Variants in IPO9 observed in about 807,000 individuals in gnomAD.
The protein encoded by IPO9 is importin 9, also known as importin-9.
In IPO9, 28 loss-of-function variants were observed where a neutral mutation model predicts 128.6. The observed-to-expected ratio is 0.22, with a 90% CI of 0.16 to 0.30. The LOEUF (loss-of-function observed/expected upper bound fraction) is 0.30. IPO9 is among the 10% of genes least tolerant of loss of function. The pLI, the probability that IPO9 is intolerant of heterozygous loss-of-function variation, is 1.00. For synonymous variants in IPO9, 455 were observed against 475.8 expected (o/e 0.96, Z 0.57); for missense variants, 935 against 1,293.9 (o/e 0.72, Z 4.26).
Position 201,868,735 on chromosome 1 carries a change from T to G in IPO9, c.1943T>G (p.Ile648Ser). 6.2e-7 allele frequency: 1 copy of G among 1,614,054 alleles called. No individual in the cohort carries two copies. Among genetic ancestry groups the G allele is most frequent in the Non-Finnish European group, 8.5e-7 (1 of 1,179,990 alleles). The change falls in exon 16 of 24, where the codon ATT becomes AGT. Residue 648 changes from isoleucine (I) to serine (S), a missense_variant. Transcript: ENST00000361565. ...ACQGPMQMRL[I>S]PTLVSIMQAP... ...CAGGGCCCAATGCAAATGAGGCTGA[T>G]TCCCACTCTGGTCAGCATAATGCAG...
chr1:201,847,510 AAT>A, intron 2 of IPO9, 40 bp from the exon 3 acceptor site: 1 of 1,293,378 alleles, frequency 7.7e-7, no homozygotes, highest in Non-Finnish European at 1.1e-6. Flanking sequence ...GTGTGAAAAA[AAT>A]CTTTTTCTTG....
chr1:201,866,120 C>T (rs1227603232), intron 14 of IPO9, among the ~76,000 whole-genome samples: 1 of 152,166 alleles, frequency 6.6e-6, no homozygotes, highest in Non-Finnish European at 1.5e-5. Context: ...CCAGGGGAAA[C>T]TGATGTCCCA....
chr1:201,861,163 C>T (rs372385746), intron 13 of IPO9, among the ~76,000 whole-genome samples: 3 of 151,758 alleles, frequency 2.0e-5, no homozygotes, highest in East Asian at 1.9e-4. Context: ...GAGACTCTGT[C>T]TCAAAAAAAA....
At chr1:201,840,913 T>G (rs1490276894) in intron 1 of IPO9, among the ~76,000 whole-genome samples, 1 of 152,092 alleles carries the variant, frequency 6.6e-6, no homozygotes, top group African/African-American at 2.4e-5. Flanking sequence ...CTGCATGTAG[T>G]GGGTGGGGAA....
At position 201,870,784 on chromosome 1, in the gene IPO9, G is replaced by A. The variant is rs759384995; in HGVS notation, c.2335G>A (p.Gly779Arg). The A allele has an allele frequency of 2.5e-6, 4 of 1,614,162 alleles. No homozygotes were observed. Among genetic ancestry groups the A allele is most frequent in the East Asian group, 4.5e-5 (2 of 44,882 alleles). ...TLISKAGREL[G>R]ENLDQILRAI... ...CATCTCCAAGGCAGGGCGGGAACTCGGGGAGAATCTAGACCAGATTCTTCG... is the reference window on the plus strand; with the variant it reads ...CATCTCCAAGGCAGGGCGGGAACTCAGGGAGAATCTAGACCAGATTCTTCG... Residue 779 changes from glycine (G) to arginine (R), a missense_variant, in exon 18 of 24, where the codon GGG (glycine) becomes AGG (arginine). Transcript: ENST00000361565. The surrounding 1 kb of genome is among the most constrained non-coding windows in gnomAD (Gnocchi z 4.9).
At chr1:201,866,584 A>G (rs1032103433) in intron 14 of IPO9, 149 bp from the exon 15 acceptor site, 3 of 605,092 alleles carry the variant, frequency 5.0e-6, no homozygotes, top group African/African-American at 3.7e-5. Flanking sequence ...TGTTTATATA[A>G]TACATCCAGA....
chr1:201,858,986 A>T lies in IPO9; in HGVS notation c.1460A>T (p.Asn487Ile). The T allele has an allele frequency of 6.2e-7, 1 of 1,605,240 alleles. No individual in the cohort carries two copies. Among genetic ancestry groups the T allele is most frequent in the Non-Finnish European group, 8.5e-7 (1 of 1,173,088 alleles). Residue 487 changes from asparagine to isoleucine, a missense_variant, in exon 13 of 24, where the codon AAC becomes ATC. Physicochemically the swap from Asn to Ile is moderately radical, Grantham distance 149. Transcript: ENST00000361565. ...ACCAATGTCATCCTTGCAGACCTCA[A>T]CCTCTCAGGTATGTTTCAGCACGTG... The part of the protein sequence containing the change: ...FLTNVILADL[N>I]LSVSPFLLGR...
intron 4 of IPO9, among the ~76,000 whole-genome samples, chr1:201,849,414 T>A (rs531017654): frequency 2.6e-5 from 4 of 152,338 alleles, no homozygotes; most frequent in African/African-American, 9.6e-5. Context: ...TTCAAGAAAT[T>A]CTTACCTGGA....
At chr1:201,856,886 T>C (rs901243819) in intron 10 of IPO9, among the ~76,000 whole-genome samples, 1 of 152,090 alleles carries the variant, frequency 6.6e-6, no homozygotes, top group Non-Finnish European at 1.5e-5. Context: ...GGGGTCTCAC[T>C]ATGTTGCCCA....
rs542968431 is a variant in IPO9 at position 201,848,271 on chromosome 1, G to T, written c.313-122G>T. 45 of 788,666 alleles carry T rather than the reference G, an allele frequency of 5.7e-5. No individual in the cohort carries two copies. In the African/African-American group the frequency reaches 6.7e-4, roughly 12 times the overall value. The allele number at this position is 788,666 out of a possible 1,614,324, so 48.9% of individuals were successfully genotyped here. Reference sequence around the variant, plus strand: ...TGAATTGTCAAGTTTGTGTATAGGAGTTTTCTGTAGACATGCAGTACCTTG... The same window carrying T: ...TGAATTGTCAAGTTTGTGTATAGGATTTTTCTGTAGACATGCAGTACCTTG... On this transcript the variant is annotated intron_variant, in intron 3 of 23. Transcript: ENST00000361565.
intron 1 of IPO9, among the ~76,000 whole-genome samples, chr1:201,845,805 A>G (rs1351419118): frequency 1.3e-5 from 2 of 152,224 alleles, no homozygotes; most frequent in African/African-American, 4.8e-5. Context: ...AGCCATTGTG[A>G]CTAATAGCTA....
intron 1 of IPO9, among the ~76,000 whole-genome samples, chr1:201,839,894 T>C (rs1486391628): frequency 2.0e-5 from 3 of 152,052 alleles, no homozygotes; most frequent in Admixed American, 2.0e-4. Context: ...TGGGAGGAAT[T>C]TTTTTCCCCA....
rs1680906225 is a variant in IPO9, at chr1:201,882,458, ACAAG to A, written c.*6405_*6408del. 6.7e-6 allele frequency: 1 copy of A among 149,152 alleles called. No homozygotes were observed. The highest frequency in any genetic ancestry group is 2.5e-5 in the African/African-American group (1 of 39,776). 9.2% of individuals were successfully genotyped at this position (149,152 alleles called of 1,614,324 possible). A position where few individuals can be genotyped will look rare whatever the true frequency, so the allele number is the denominator to read the frequency against. On this transcript the variant is annotated 3_prime_UTR_variant, in exon 24 of 24. Coordinates refer to ENST00000361565, the MANE Select transcript of IPO9 (RefSeq NM_018085.5). Reference sequence around the variant, plus strand: ...AAAAAAAAAAAAAACAAAAAAAAAAACAAGTTTTGTGAATTTAAGTTTCCCTAAT... The same window carrying A: ...AAAAAAAAAAAAAACAAAAAAAAAAATTTTGTGAATTTAAGTTTCCCTAAT...
At position 201,842,601 on chromosome 1, in the gene IPO9, G is replaced by T. The variant is rs150322285; in HGVS notation, c.164-4678G>T. Among the ~76,000 whole-genome samples, 3 of 152,350 alleles carry T rather than the reference G, an allele frequency of 2.0e-5. No individual in the cohort carries two copies. In the East Asian group the frequency reaches 5.8e-4, roughly 29 times the overall value. On this transcript the variant is annotated intron_variant, in intron 1 of 23. Coordinates refer to ENST00000361565, the MANE Select transcript of IPO9 (RefSeq NM_018085.5). ...GGAGTTTCTGAGGATTTTAGGAGCT[G>T]TTTGCCAGGAAATGAAGTAGAAGAC...
chr1:201,841,191 T>TAAAATA (rs1419216921), intron 1 of IPO9, among the ~76,000 whole-genome samples: 1 of 152,190 alleles, frequency 6.6e-6, no homozygotes, highest in Non-Finnish European at 1.5e-5. Flanking sequence ...AGTAACTTTG[T>TAAAATA]AAAATAGTAT....
intron 10 of IPO9, among the ~76,000 whole-genome samples, chr1:201,856,302 A>G (rs747982496): frequency 6.6e-6 from 1 of 152,122 alleles, no homozygotes; most frequent in Admixed American, 6.5e-5. Context: ...TCACAGGACC[A>G]CTAACCTAAG....
At chr1:201,839,950 A>G (rs939334643) in intron 1 of IPO9, among the ~76,000 whole-genome samples, 1 of 152,228 alleles carries the variant, frequency 6.6e-6, no homozygotes, top group Non-Finnish European at 1.5e-5. Flanking sequence ...ATATATAAAG[A>G]ATTCTTAAAA....
chr1:201,863,967 G>T (rs1680504202), intron 14 of IPO9, among the ~76,000 whole-genome samples: 1 of 152,140 alleles, frequency 6.6e-6, no homozygotes, highest in Admixed American at 6.5e-5. Context: ...TCATTTTGTT[G>T]GTTGATTATA....
chr1:201,875,386 TCAAGACCAGTCTGAG>T (rs1234587917), intron 23 of IPO9, among the ~76,000 whole-genome samples, 158 bp downstream of exon 23: 1 of 152,128 alleles, frequency 6.6e-6, no homozygotes, highest in East Asian at 1.9e-4. Context: ...GCCCAGGAGT[TCAAGACCAGTCTGAG>T]CAATGCAGGG....
Sources: gnomAD v4.1 joint callset for allele counts (sites outside exome capture counted in the v4.1 genomes callset) on GRCh38, gnomAD v4.1.1 for gene constraint, Gnocchi (gnomAD v3.1) non-coding constraint, MANE v1.5 for transcripts, NCBI Gene and HGNC (gene_info 2026-07-23, HGNC 2026-07-21) for gene names.